Variants in LINGO2 observed in about 807,000 individuals in gnomAD.
The protein encoded by LINGO2 is leucine-rich repeat and immunoglobulin-like domain-containing nogo receptor-interacting protein 2.
Under a neutral mutation model 30.6 loss-of-function variants are expected in LINGO2, and 14 were observed. The ratio of observed to expected loss-of-function variants is 0.46; its 90% CI spans 0.30 to 0.72. The LOEUF is 0.72. Ranked by LOEUF, LINGO2 falls within the 30% of genes least tolerant of loss-of-function variation. The pLI, the probability that LINGO2 is intolerant of heterozygous loss-of-function variation, is 0.07. For missense variants in LINGO2, 729 were observed against 751.7 expected, an observed-to-expected ratio of 0.97 and a Z score of 0.35; for synonymous variants, 317 against 288.5, an observed-to-expected ratio of 1.10 and a Z score of -1.00.
chr9:28,773,175 C>T, the LINGO2 span, among the ~76,000 whole-genome samples: 6 of 151,970 alleles, frequency 3.9e-5, no homozygotes, highest in African/African-American at 1.2e-4. Context: ...ACTGTCCTGG[C>T]TAACACAGTG....
intron 1 of LINGO2, among the ~76,000 whole-genome samples, chr9:28,562,500 C>T (rs1823151404): frequency 1.3e-5 from 2 of 148,176 alleles, no homozygotes; most frequent in Admixed American, 1.3e-4. Context: ...AATTGGTCCC[C>T]ATTAAGCAAA....
chr9:28,488,158 G>C (rs1193367914), intron 1 of LINGO2, among the ~76,000 whole-genome samples: 1 of 152,098 alleles, frequency 6.6e-6, no homozygotes, highest in Non-Finnish European at 1.5e-5. Context: ...AAAGCTACAG[G>C]AGTCATAGGA....
At chr9:28,771,299 T>C in the LINGO2 span, among the ~76,000 whole-genome samples, 1 of 152,030 alleles carries the variant, frequency 6.6e-6, no homozygotes, top group Non-Finnish European at 1.5e-5. Flanking sequence ...TAACTTCAAT[T>C]GAAAGAAATG....
intron 3 of LINGO2, among the ~76,000 whole-genome samples, chr9:28,357,536 C>G (rs1400317442): frequency 6.6e-6 from 1 of 151,932 alleles, no homozygotes; most frequent in Non-Finnish European, 1.5e-5. Flanking sequence ...TAAAGTGAGA[C>G]ATATCTTTGA....
the LINGO2 span, among the ~76,000 whole-genome samples, chr9:28,786,043 C>A: frequency 0.11 from 16,913 of 152,218 alleles, 1,162 homozygotes; most frequent in East Asian, 0.35. Context: ...TCTCTGGTCA[C>A]TCATAGGTCA....
rs541688509 is a variant in LINGO2, at chr9:28,489,664, C to T, written c.-364-13639G>A. Reference sequence around the variant, plus strand: ...CCTTAATCCCAGCACTTTGGGAGGCCGAGGCAGGCAGATTATGAGGTCAGG... The same window carrying T: ...CCTTAATCCCAGCACTTTGGGAGGCTGAGGCAGGCAGATTATGAGGTCAGG... On this transcript the variant is annotated intron_variant, in intron 1 of 5. Transcript: ENST00000379992. 1.4e-3 allele frequency among the ~76,000 whole-genome samples: 214 copies of T among 151,628 alleles called. 1 individual carries two copies. Among genetic ancestry groups the T allele is most frequent in the African/African-American group, 4.7e-3 (193 of 41,368 alleles).
At chr9:28,405,170 A>C (rs937765536) in intron 2 of LINGO2, among the ~76,000 whole-genome samples, 1 of 152,176 alleles carries the variant, frequency 6.6e-6, no homozygotes. Context: ...ATATTCTGCA[A>C]GTTTAAAACT....
At chr9:28,990,355 C>A in the LINGO2 span, among the ~76,000 whole-genome samples, 43 of 152,314 alleles carry the variant, frequency 2.8e-4, no homozygotes, top group African/African-American at 9.6e-4. Context: ...AGCTGGGAAG[C>A]TCGAACTGGG....
Position 28,409,777 on chromosome 9 carries a change from A to G in LINGO2, c.-278-36909T>C, listed in dbSNP as rs112855816. On this transcript the variant is annotated intron_variant, in intron 2 of 5. Coordinates refer to ENST00000379992, the Ensembl canonical transcript of LINGO2. ...ACCACTAGAATCACAGTCATTGCAT[A>G]TTAGAGTAGAAGGGACCTCAGATAC... Among the ~76,000 whole-genome samples the G allele has an allele frequency of 3.1e-3, 470 of 152,050 alleles. 2 individuals are homozygous for G. The highest frequency in any genetic ancestry group is 9.0e-3 in the African/African-American group (373 of 41,492).
intron 3 of LINGO2, among the ~76,000 whole-genome samples, chr9:28,344,047 A>G (rs1445232843): frequency 6.6e-6 from 1 of 152,158 alleles, no homozygotes; most frequent in Non-Finnish European, 1.5e-5. Flanking sequence ...CTCGTCCCCC[A>G]GCTCTGCAAA....
chr9:28,411,539 T>C (rs1042317322), intron 2 of LINGO2, among the ~76,000 whole-genome samples: 8 of 152,140 alleles, frequency 5.3e-5, no homozygotes, highest in Non-Finnish European at 8.8e-5. Context: ...CATTCTGCTC[T>C]CTGTGTCTGA....
intron 4 of LINGO2, among the ~76,000 whole-genome samples, chr9:28,058,330 T>A (rs914196831): frequency 3.3e-5 from 5 of 152,164 alleles, no homozygotes; most frequent in Non-Finnish European, 7.4e-5. Context: ...TAAGGAAATC[T>A]TTAATCTTCA....
chr9:28,376,286 G>A lies in LINGO2; in HGVS notation c.-278-3418C>T, dbSNP rs115898164. Among the ~76,000 whole-genome samples the A allele has an allele frequency of 9.5e-3, 1,442 of 152,142 alleles. 27 individuals are homozygous for A. The highest frequency in any genetic ancestry group is 0.033 in the African/African-American group (1,373 of 41,500). On this transcript the variant is annotated intron_variant, in intron 2 of 5. Transcript: ENST00000379992. ...GAAGAGAAGAGAAGAGAAGAGAAGC[G>A]AAGCGAGAGATATTAAGTATCTATT...
At chr9:28,286,381 C>T (rs1030422879) in intron 4 of LINGO2, among the ~76,000 whole-genome samples, 4 of 152,122 alleles carry the variant, frequency 2.6e-5, no homozygotes, top group Admixed American at 6.5e-5. Context: ...TTCGTTCAGC[C>T]GTTGTGGAAG....
the LINGO2 span, among the ~76,000 whole-genome samples, chr9:28,851,498 C>T: frequency 7.2e-5 from 11 of 151,992 alleles, no homozygotes; most frequent in African/African-American, 2.4e-4. Context: ...TAACCTTAAA[C>T]CAATCTGCAA....
chr9:28,136,659 T>C (rs1273546510), intron 4 of LINGO2, among the ~76,000 whole-genome samples: 1 of 152,206 alleles, frequency 6.6e-6, no homozygotes, highest in African/African-American at 2.4e-5. Context: ...TGTTAGACTT[T>C]CTTATGTCCA....
chr9:28,122,212 T>C (rs1054684859), intron 4 of LINGO2, among the ~76,000 whole-genome samples: 1 of 152,180 alleles, frequency 6.6e-6, no homozygotes, highest in Admixed American at 6.5e-5. Context: ...TGGGAATAGA[T>C]TACTAGTATC....
chr9:28,599,705 G>T (rs948057337), intron 1 of LINGO2, among the ~76,000 whole-genome samples: 1 of 151,938 alleles, frequency 6.6e-6, no homozygotes, highest in African/African-American at 2.4e-5. Flanking sequence ...TTTGTTTATT[G>T]TTTACCCAAT....
chr9:28,009,193 AAAG>A (rs1822424877), intron 5 of LINGO2, among the ~76,000 whole-genome samples: 1 of 151,936 alleles, frequency 6.6e-6, no homozygotes, highest in Admixed American at 6.6e-5. Flanking sequence ...TCCATATGCA[AAAG>A]AATAAAGTTG....
Sources: gnomAD v4.1 joint callset for allele counts (sites outside exome capture counted in the v4.1 genomes callset) on GRCh38, gnomAD v4.1.1 for gene constraint, MANE v1.5 for transcripts, NCBI Gene and HGNC (gene_info 2026-07-23, HGNC 2026-07-21) for gene names.